TMEM117: variants seen among roughly 807,000 people sequenced by gnomAD.
The protein encoded by TMEM117 is transmembrane protein 117.
In TMEM117, 27 loss-of-function variants were observed where a neutral mutation model predicts 52.4. The ratio of observed to expected loss-of-function variants is 0.51; its 90% confidence interval spans 0.38 to 0.71. TMEM117 has a LOEUF of 0.71. Among genes scored for constraint, TMEM117 ranks in the 30% least tolerant of loss-of-function variants. The pLI is 0.00. For synonymous variants in TMEM117, 215 were observed against 206.3 expected (o/e 1.04, Z -0.36); for missense variants, 556 against 630.5 (o/e 0.88, Z 1.26).
intron 5 of TMEM117, among the ~76,000 whole-genome samples, chr12:44,290,960 C>A (rs561218540): frequency 6.6e-6 from 1 of 152,122 alleles, no homozygotes; most frequent in African/African-American, 2.4e-5. Flanking sequence ...TCCCAAGATT[C>A]GTTTGGCTAT....
intron 2 of TMEM117, among the ~76,000 whole-genome samples, chr12:43,903,531 T>G (rs1358898654): frequency 6.6e-6 from 1 of 152,172 alleles, no homozygotes; most frequent in African/African-American, 2.4e-5. Context: ...GGTTAGAATA[T>G]TTGAAAAATA....
At chr12:44,108,041 T>C (rs548320372) in intron 3 of TMEM117, among the ~76,000 whole-genome samples, 2 of 152,142 alleles carry the variant, frequency 1.3e-5, no homozygotes, top group South Asian at 4.1e-4. Flanking sequence ...TCTGATACTT[T>C]TTAGTAAAAT....
At chr12:43,931,411 GAC>G (rs1392674741) in intron 2 of TMEM117, among the ~76,000 whole-genome samples, 1 of 152,072 alleles carries the variant, frequency 6.6e-6, no homozygotes, top group African/African-American at 2.4e-5. Flanking sequence ...AAAATTACTA[GAC>G]ACACAAAGAT....
chr12:44,303,380 T>G (rs1950866317), intron 6 of TMEM117, among the ~76,000 whole-genome samples: 1 of 152,190 alleles, frequency 6.6e-6, no homozygotes, highest in South Asian at 2.1e-4. Context: ...AAGAAACCAT[T>G]AGAATTTGGT....
At chr12:44,244,293 G>A (rs1453528397) in intron 5 of TMEM117, 1 of 151,842 alleles carries the variant, frequency 6.6e-6, no homozygotes, top group Non-Finnish European at 1.5e-5. Flanking sequence ...CTTATCTTTT[G>A]TCTTCTTGAT....
chr12:44,337,544 TTCCAGTGACCCACGCCCTTCA>T (rs2138741619), intron 6 of TMEM117, among the ~76,000 whole-genome samples: 2 of 152,102 alleles, frequency 1.3e-5, no homozygotes, highest in South Asian at 4.2e-4. Context: ...GTGATCCTGC[TTCCAGTGACCCACGCCCTTCA>T]TCCTTCAGGG....
At chr12:44,120,080 G>T (rs1948208615) in intron 3 of TMEM117, among the ~76,000 whole-genome samples, 2 of 152,150 alleles carry the variant, frequency 1.3e-5, no homozygotes. Flanking sequence ...GATGGGGCCT[G>T]GAGGTAGCAC....
chr12:44,178,517 T>C (rs79164141), intron 4 of TMEM117, among the ~76,000 whole-genome samples: 1,751 of 152,308 alleles, frequency 0.011, 22 homozygotes, highest in South Asian at 0.052. Context: ...CATTGATTGA[T>C]ATGTTAAACC....
chr12:44,372,391 A>G (rs1951876222), intron 6 of TMEM117, among the ~76,000 whole-genome samples: 2 of 152,170 alleles, frequency 1.3e-5, no homozygotes, highest in South Asian at 4.1e-4. Flanking sequence ...TACAATCTGT[A>G]TATAAAACTG....
intron 3 of TMEM117, among the ~76,000 whole-genome samples, chr12:44,007,746 C>T (rs993759767): frequency 6.6e-6 from 1 of 152,086 alleles, no homozygotes; most frequent in African/African-American, 2.4e-5. Context: ...TGGTGCTGTT[C>T]TCGTGATAGT....
chr12:44,192,519 G>T (rs115069108), intron 4 of TMEM117, among the ~76,000 whole-genome samples: 1,750 of 152,306 alleles, frequency 0.011, 22 homozygotes, highest in South Asian at 0.052. Flanking sequence ...ACTGAATGGT[G>T]ATGAGTACAA....
intron 6 of TMEM117, among the ~76,000 whole-genome samples, chr12:44,361,275 A>T (rs370682637): frequency 2.0e-5 from 3 of 152,306 alleles, no homozygotes; most frequent in Admixed American, 6.5e-5. Context: ...GATGAGCTAC[A>T]TACTCTCAAC....
chr12:44,115,903 C>T (rs938003074), intron 3 of TMEM117, among the ~76,000 whole-genome samples: 1 of 152,146 alleles, frequency 6.6e-6, no homozygotes, highest in Non-Finnish European at 1.5e-5. Context: ...GAAACACGAT[C>T]GTGTCTTTCT....
At chr12:44,381,979 G>A (rs1952027534) in intron 7 of TMEM117, among the ~76,000 whole-genome samples, 1 of 152,146 alleles carries the variant, frequency 6.6e-6, no homozygotes, top group Non-Finnish European at 1.5e-5. Context: ...CGAAGATCAT[G>A]AATTTATCCA....
At chr12:44,306,493 G>A (rs1376654743) in intron 6 of TMEM117, among the ~76,000 whole-genome samples, 4 of 152,028 alleles carry the variant, frequency 2.6e-5, no homozygotes, top group Non-Finnish European at 5.9e-5. Context: ...AAAAAAGAAA[G>A]TTTCAAAGAT....
chr12:44,128,413 C>A (rs1349769998), intron 3 of TMEM117, among the ~76,000 whole-genome samples: 1 of 152,188 alleles, frequency 6.6e-6, no homozygotes, highest in Non-Finnish European at 1.5e-5. Context: ...GTTTGCAAGT[C>A]TTTTTTCATT....
chr12:44,158,282 G>A (rs1488063483), intron 4 of TMEM117, among the ~76,000 whole-genome samples: 3 of 152,100 alleles, frequency 2.0e-5, no homozygotes, highest in Admixed American at 2.0e-4. Flanking sequence ...ATTCAGGTGT[G>A]ACAACAAAAG....
In TMEM117 at chr12:44,114,315, G is replaced by C. The variant is rs147032045; in HGVS notation, c.411-29210G>C. ...ACTCCTTTATATCCATCTTGTGCCT[G>C]TTCATAATGGCAACCAAAAATGAGT... On this transcript the variant is annotated intron_variant, in intron 3 of 7. Coordinates refer to ENST00000266534, the MANE Select transcript of TMEM117 (RefSeq NM_032256.3). Among the ~76,000 whole-genome samples the C allele has an allele frequency of 1.6e-3, 237 of 152,222 alleles. 3 individuals carry two copies. Among genetic ancestry groups the C allele is most frequent in the African/African-American group, 5.3e-3 (222 of 41,538 alleles).
chr12:44,050,508 C>T (rs1397620912), intron 3 of TMEM117, among the ~76,000 whole-genome samples: 1 of 152,170 alleles, frequency 6.6e-6, no homozygotes, highest in Non-Finnish European at 1.5e-5. Flanking sequence ...CAGGTCAGAA[C>T]TTTAAGGGTG....
Sources: gnomAD v4.1 joint callset for allele counts (sites outside exome capture counted in the v4.1 genomes callset) on GRCh38, gnomAD v4.1.1 for gene constraint, MANE v1.5 for transcripts, NCBI Gene and HGNC (gene_info 2026-07-23, HGNC 2026-07-21) for gene names.